The following TRIM61 variants were observed in gnomAD, a reference collection of about 807,000 sequenced individuals.
TRIM61 encodes putative tripartite motif-containing protein 61.
TRIM61 carries 1 observed loss-of-function variant against 14.2 expected under a neutral mutation model. The ratio of observed to expected loss-of-function variants is 0.07; its 90% CI spans 0.03 to 0.33. TRIM61 has a LOEUF of 0.33. TRIM61 is among the 10% of genes least tolerant of loss of function. The pLI, the probability that TRIM61 is intolerant of heterozygous loss-of-function variation, is 0.99. For missense variants in TRIM61, 19 were observed against 202.2 expected (o/e 0.09, Z 5.49); for synonymous variants, 8 against 71.6 (o/e 0.11, Z 4.49).
intron 3 of TRIM61, chr4:164,959,138 G>A (rs1732078776): frequency 6.0e-6 from 1 of 166,942 alleles, no homozygotes; most frequent in South Asian, 2.1e-4. Context: ...TGCATTTTCT[G>A]TTTATCTCTT....
chr4:164,961,160 A>AAAAAAAAAAAAAAAAAAAAAAAAAG (rs1732126763), intron 3 of TRIM61, among the ~76,000 whole-genome samples: 1 of 40,140 alleles, frequency 2.5e-5, no homozygotes, highest in Non-Finnish European at 4.2e-5. Flanking sequence ...AGGCAAAAAA[A>AAAAAAAAAAAAAAAAAAAAAAAAAG]AAAAAAAAAA....
At chr4:164,961,679 CA>C (rs745589272) in intron 3 of TRIM61, among the ~76,000 whole-genome samples, 3 of 151,256 alleles carry the variant, frequency 2.0e-5, no homozygotes, top group African/African-American at 7.3e-5. Flanking sequence ...TCAAAAAACA[CA>C]CACCAAAAAA....
At chr4:164,967,981 G>A (rs1214477877) in intron 3 of TRIM61, among the ~76,000 whole-genome samples, 6 of 151,918 alleles carry the variant, frequency 3.9e-5, no homozygotes, top group Non-Finnish European at 7.4e-5. Flanking sequence ...GTGAAACCCC[G>A]TCTCTATTAA....
chr4:164,954,478 T>A lies in TRIM61; in HGVS notation c.*307A>T, dbSNP rs1731934056. ...GTTTGTGCATTTTATTTTTTAACCA[T>A]CAGTTTTGTATTATTAGAAAGATAA... is the stretch of plus-strand genomic sequence containing the variant. On this transcript the variant is annotated 3_prime_UTR_variant, in exon 5 of 5. Coordinates refer to ENST00000329314, the MANE Select transcript of TRIM61 (RefSeq NM_001012414.3). 1 of 152,214 alleles carries A rather than the reference T, an allele frequency of 6.6e-6. No homozygotes were observed. Among genetic ancestry groups the A allele is most frequent in the South Asian group, 2.1e-4 (1 of 4,830 alleles). 9.4% of individuals were successfully genotyped at this position (152,214 alleles called of 1,614,324 possible). A position where few individuals can be genotyped will look rare whatever the true frequency, so the allele number is the denominator to read the frequency against.
intron 3 of TRIM61, chr4:164,969,076 T>G (rs1732302611): frequency 9.2e-7 from 1 of 1,082,280 alleles, no homozygotes; most frequent in African/African-American, 1.7e-5. Context: ...CTTCTGAGAC[T>G]ATAAGTTTAC....
chr4:164,955,071 A>G lies in TRIM61; in HGVS notation c.551T>C (p.Leu184Pro). 1 of 190,026 alleles carries G rather than the reference A, an allele frequency of 5.3e-6. No homozygotes were observed. Among genetic ancestry groups the G allele is most frequent in the Non-Finnish European group, 1.1e-5 (1 of 90,212 alleles). The allele number at this position is 190,026 out of a possible 1,614,324, so 11.8% of individuals were successfully genotyped here. ...AGCCGAGATCGTGCAACTGCACTCCAGCCTGGTGACAGAAGGAGACTCCAT... is the reference window on the plus strand; with the variant it reads ...AGCCGAGATCGTGCAACTGCACTCCGGCCTGGTGACAGAAGGAGACTCCAT... The change falls in exon 4 of 5, where the codon CTG becomes CCG. Residue 184 changes from leucine (L) to proline (P), a missense_variant. Physicochemically the swap from Leu to Pro is moderately conservative, Grantham distance 98. Around this residue, in one of 2 missense-constraint regions of TRIM61, gnomAD observed 2 missense variants for 96.6 expected, o/e 0.02. Coordinates refer to ENST00000329314, the MANE Select transcript of TRIM61 (RefSeq NM_001012414.3).
chr4:164,962,061 T>A (rs1470709020), intron 3 of TRIM61, among the ~76,000 whole-genome samples: 1 of 151,982 alleles, frequency 6.6e-6, no homozygotes, highest in African/African-American at 2.4e-5. Flanking sequence ...GTAAAAATAG[T>A]TTTATTATCT....
chr4:164,954,969 A>G lies in TRIM61; in HGVS notation c.*16+7T>C. The G allele has an allele frequency of 3.1e-6, 1 of 321,834 alleles. No homozygotes were observed. The highest frequency in any genetic ancestry group is 1.4e-4 in the East Asian group (1 of 7,036). The allele number at this position is 321,834 out of a possible 1,614,324, so 19.9% of individuals were successfully genotyped here. On this transcript the variant is annotated splice_region_variant and intron_variant, in intron 4 of 4. Coordinates refer to ENST00000329314, the MANE Select transcript of TRIM61 (RefSeq NM_001012414.3). ...TACAGAAGTTAGCTGGGCATGGTGG[A>G]GGGCACCTGTAGTCCCAGCTACTCA...
chr4:164,957,676 T>TAA (rs1732043805), intron 3 of TRIM61: 2 of 766,262 alleles, frequency 2.6e-6, no homozygotes, highest in Admixed American at 6.9e-5. Context: ...GAGCACTTTG[T>TAA]GCTTTATTCG....
intron 3 of TRIM61, chr4:164,957,242 C>T (rs1732023241): frequency 6.2e-7 from 1 of 1,604,238 alleles, no homozygotes; most frequent in African/African-American, 1.5e-5. Context: ...ACAGCGGTCG[C>T]TCCACCAATC....
In TRIM61 at chr4:164,959,598, T is replaced by C. The variant is rs183284572; in HGVS notation, c.526-4502A>G. Among the ~76,000 whole-genome samples, 119 of 152,050 alleles carry C rather than the reference T, an allele frequency of 7.8e-4. 3 individuals carry two copies. The East Asian group carries it at 0.02, about 25-fold the overall frequency. On this transcript the variant is annotated intron_variant, in intron 3 of 4. Transcript: ENST00000329314. ...TGCCTGAGACCAAAGTTCAGAGTGCTTGCCCATGACTCATGCTCAATCAGA... is the reference window on the plus strand; with the variant it reads ...TGCCTGAGACCAAAGTTCAGAGTGCCTGCCCATGACTCATGCTCAATCAGA...
chr4:164,971,827 T>C lies in TRIM61; in HGVS notation c.-337-1488A>G, dbSNP rs1479502148. Reference sequence around the variant, plus strand: ...TCAAAGCTTGAAAGCCACCTAACCATCAATACAGTATTTTTTCCCCTTCAC... The same window carrying C: ...TCAAAGCTTGAAAGCCACCTAACCACCAATACAGTATTTTTTCCCCTTCAC... On this transcript the variant is annotated intron_variant, in intron 2 of 4. Coordinates refer to ENST00000329314, the MANE Select transcript of TRIM61 (RefSeq NM_001012414.3). Among the ~76,000 whole-genome samples, 8 of 152,032 alleles carry C rather than the reference T, an allele frequency of 5.3e-5. No homozygotes were observed. The East Asian group carries it at 1.5e-3, about 29-fold the overall frequency.
chr4:164,970,562 T>A (rs952533967), intron 2 of TRIM61, among the ~76,000 whole-genome samples: 5 of 151,928 alleles, frequency 3.3e-5, no homozygotes, highest in African/African-American at 4.8e-5. Context: ...CTATGGCAAG[T>A]ATACAACATT....
At chr4:164,975,888 C>T (rs906992889) in intron 2 of TRIM61, among the ~76,000 whole-genome samples, 11 of 152,146 alleles carry the variant, frequency 7.2e-5, no homozygotes, top group African/African-American at 2.7e-4. Context: ...TGCTGCCTGC[C>T]CCTGGGAACT....
In TRIM61 at chr4:164,955,099, CAAA is replaced by C. The variant is rs200797852; in HGVS notation, c.526-6_526-4del. 113 of 86,042 alleles carry C rather than the reference CAAA, an allele frequency of 1.3e-3. No individual in the cohort carries two copies. Among genetic ancestry groups the C allele is most frequent in the South Asian group, 7.5e-3 (23 of 3,070 alleles). The allele number at this position is 86,042 out of a possible 1,614,324, so 5.3% of individuals were successfully genotyped here. On this transcript the variant is annotated splice_polypyrimidine_tract_variant and splice_region_variant and intron_variant, in intron 3 of 4. Coordinates refer to ENST00000329314, the MANE Select transcript of TRIM61 (RefSeq NM_001012414.3). ...CTGGTGACAGAAGGAGACTCCATCT[CAAA>C]AAAAAAAAAAAAAAAAATTATTATG...
intron 3 of TRIM61, chr4:164,957,249 A>T (rs1732023632): frequency 6.2e-7 from 1 of 1,614,130 alleles, no homozygotes; most frequent in African/African-American, 1.3e-5. Context: ...TCGCTCCACC[A>T]ATCCTGGGAG....
chr4:164,957,498 G>T, intron 3 of TRIM61: 3 of 1,598,774 alleles, frequency 1.9e-6, no homozygotes, highest in Non-Finnish European at 1.7e-6. Flanking sequence ...GTCCTATAGA[G>T]CAGGCTGCCT....
At chr4:164,964,411 C>T (rs1240310143) in intron 3 of TRIM61, among the ~76,000 whole-genome samples, 4 of 149,934 alleles carry the variant, frequency 2.7e-5, no homozygotes, top group Non-Finnish European at 4.4e-5. Flanking sequence ...AAATGTAAAG[C>T]AAGAAGAATG....
intron 3 of TRIM61, among the ~76,000 whole-genome samples, chr4:164,956,277 G>A (rs961356835): frequency 6.6e-6 from 1 of 152,102 alleles, no homozygotes; most frequent in African/African-American, 2.4e-5. Flanking sequence ...TGTTGGCCTG[G>A]CTGGTCTCAA....
Sources: allele counts gnomAD v4.1 joint callset (sites outside exome capture counted in the v4.1 genomes callset), GRCh38; gene constraint gnomAD v4.1.1; regional missense constraint gnomAD v4.1.1; transcripts MANE v1.5; gene names NCBI Gene and HGNC (gene_info 2026-07-23, HGNC 2026-07-21).